NWD1: variants seen among roughly 807,000 people sequenced by gnomAD.
The protein encoded by NWD1 is NACHT domain- and WD repeat-containing protein 1.
A neutral mutation model predicts 135.1 loss-of-function variants in NWD1; 129 were observed. The ratio of observed to expected loss-of-function variants is 0.96; its 90% CI spans 0.83 to 1.11. The LOEUF is 1.11. Among genes scored for constraint, NWD1 ranks in the 50% least tolerant of loss-of-function variants. The pLI, the probability that NWD1 is intolerant of heterozygous loss-of-function variation, is 0.00. For missense variants in NWD1, 1,740 were observed against 1,851.3 expected, an observed-to-expected ratio of 0.94 and a Z score of 1.10; for synonymous variants, 773 against 786.0, an observed-to-expected ratio of 0.98 and a Z score of 0.28.
intron 11 of NWD1, among the ~76,000 whole-genome samples, chr19:16,778,512 G>T (rs866548352): frequency 0.028 from 2,924 of 103,302 alleles, 60 homozygotes; most frequent in African/African-American, 0.1. Context: ...TTTTTTTGTT[G>T]TTGTTGTTGT....
intron 18 of NWD1, chr19:16,812,741 A>G (rs1172169621): frequency 3.8e-6 from 3 of 780,974 alleles, no homozygotes; most frequent in African/African-American, 1.7e-5. Flanking sequence ...TCTGTTTTCA[A>G]CAGAGTTCTT....
chr19:16,759,147 T>G, intron 6 of NWD1, 78 bp from the exon 7 acceptor site: 4 of 1,232,436 alleles, frequency 3.2e-6, no homozygotes, highest in Non-Finnish European at 4.8e-6. Flanking sequence ...GCTGTATCCC[T>G]CCCTCTCTTG....
intron 11 of NWD1, among the ~76,000 whole-genome samples, chr19:16,775,171 A>G (rs1376668322): frequency 4.6e-5 from 7 of 152,106 alleles, no homozygotes; most frequent in African/African-American, 1.4e-4. Flanking sequence ...ATGCTAAGAG[A>G]CACTAAGTAC....
At chr19:16,767,982 C>CTTTTTTT (rs963453075) in intron 10 of NWD1, among the ~76,000 whole-genome samples, 9 of 83,596 alleles carry the variant, frequency 1.1e-4, no homozygotes, top group Admixed American at 1.6e-4. Context: ...AATTTCCTTC[C>CTTTTTTT]TTTTTTTTTT....
At chr19:16,747,816 C>G (rs1214526405) in intron 5 of NWD1, among the ~76,000 whole-genome samples, 1 of 152,184 alleles carries the variant, frequency 6.6e-6, no homozygotes, top group East Asian at 1.9e-4. Context: ...GAATCTCACA[C>G]TACATGGCCT....
At chr19:16,765,804 G>A (rs1187452527) in intron 10 of NWD1, among the ~76,000 whole-genome samples, 1 of 152,022 alleles carries the variant, frequency 6.6e-6, no homozygotes, top group Non-Finnish European at 1.5e-5. Flanking sequence ...AGATCACAAG[G>A]TCAGAAGTTT....
At chr19:16,744,284 G>A (rs1275634073) in intron 4 of NWD1, 137 bp from the exon 5 acceptor site, 1 of 668,550 alleles carries the variant, frequency 1.5e-6, no homozygotes, top group Middle Eastern at 2.9e-4. Flanking sequence ...GGTCCAAGTG[G>A]GAGGATCACT....
rs1971058259 is a variant in NWD1 at position 16,815,976 on chromosome 19, A to G, written c.*937A>G. Reference sequence around the variant, plus strand: ...TAGTTATAATTTGATTCAGGTCACAAGTCCAAGGTGCAAGAGCTCTGAGAG... The same window carrying G: ...TAGTTATAATTTGATTCAGGTCACAGGTCCAAGGTGCAAGAGCTCTGAGAG... On this transcript the variant is annotated 3_prime_UTR_variant, in exon 19 of 19. Transcript: ENST00000524140. 1 of 152,340 alleles carries G rather than the reference A, an allele frequency of 6.6e-6. No individual in the cohort carries two copies. Among genetic ancestry groups the G allele is most frequent in the African/African-American group, 2.4e-5 (1 of 41,456 alleles). 9.4% of individuals were successfully genotyped at this position (152,340 alleles called of 1,614,324 possible).
At chr19:16,761,917 A>G (rs2122884215) in intron 7 of NWD1, 62 bp from the exon 8 acceptor site, 1 of 1,446,742 alleles carries the variant, frequency 6.9e-7, no homozygotes, top group Non-Finnish European at 9.5e-7. Flanking sequence ...CAGGAAGACA[A>G]GCAGCCACCT....
At chr19:16,797,281 G>A (rs557085290) in intron 15 of NWD1, among the ~76,000 whole-genome samples, 8 of 150,614 alleles carry the variant, frequency 5.3e-5, no homozygotes, top group East Asian at 3.9e-4. Flanking sequence ...CACCTTCCCC[G>A]TCCTGGATCC....
At position 16,762,101 on chromosome 19, in the gene NWD1, T is replaced by C. The variant is rs1969038271; in HGVS notation, c.2096T>C (p.Leu699Pro). The C allele has an allele frequency of 5.6e-6, 9 of 1,614,004 alleles. No homozygotes were observed. Among genetic ancestry groups the C allele is most frequent in the South Asian group, 1.1e-5 (1 of 91,078 alleles). Residue 699 changes from leucine to proline, a missense_variant, in exon 8 of 19, where the codon CTG becomes CCG. Physicochemically the swap from Leu to Pro is moderately conservative, Grantham distance 98 (BLOSUM62 -3). Coordinates refer to ENST00000524140, the MANE Select transcript of NWD1 (RefSeq NM_001007525.5). ...CAGGGTACCAAGAAGCTCATCACTC[T>C]GCCACTTGTGGGGAAACCACTGAAC... The part of the protein sequence containing the change: ...WSQGTKKLIT[L>P]PLVGKPLNLD...
In NWD1 at chr19:16,746,375, G is replaced by C. The variant is rs954311080; in HGVS notation, c.496+1657G>C. On this transcript the variant is annotated intron_variant, in intron 5 of 18. Transcript: ENST00000524140. ...ACCCCGTATCAAACAAACAAACAAA[G>C]AAACAACATAAACAGTTGGCCGGGT... Among the ~76,000 whole-genome samples, 15 of 145,380 alleles carry C rather than the reference G, an allele frequency of 1.0e-4. No homozygotes were observed. In the East Asian group the frequency reaches 2.7e-3, roughly 27 times the overall value.
chr19:16,765,101 C>T lies in NWD1; in HGVS notation c.2319C>T (p.Asp773=). Residue 773 remains aspartate, a synonymous_variant, in exon 10 of 19, where the codon GAC becomes GAT. Transcript: ENST00000524140. ...GGIEDLLDDF[D]LCAPHLDSPE... ...TTGAAGACCTGCTGGATGACTTTGA[C>T]CTGTGTGCCCCTCACCTGGACTCCC... 1.2e-6 allele frequency: 2 copies of T among 1,614,148 alleles called. No individual in the cohort carries two copies. Among genetic ancestry groups the T allele is most frequent in the African/African-American group, 1.3e-5 (1 of 75,040 alleles).
intron 10 of NWD1, among the ~76,000 whole-genome samples, chr19:16,765,546 C>T (rs1015855965): frequency 4.6e-5 from 7 of 152,084 alleles, no homozygotes; most frequent in Non-Finnish European, 1.0e-4. Context: ...GTTGCCCAGG[C>T]TAGTCTCAAA....
intron 11 of NWD1, among the ~76,000 whole-genome samples, chr19:16,776,651 G>T (rs1969610791): frequency 6.6e-6 from 1 of 150,624 alleles, no homozygotes. Context: ...AAAAGGGGCT[G>T]AGCACAGTGA....
intron 18 of NWD1, among the ~76,000 whole-genome samples, chr19:16,810,170 G>A (rs373873680): frequency 1.1e-4 from 17 of 152,132 alleles, no homozygotes; most frequent in African/African-American, 4.1e-4. Flanking sequence ...GGGCACCATG[G>A]CTCACACCTG....
intron 3 of NWD1, 39 bp downstream of exon 3, chr19:16,731,317 T>A: frequency 9.4e-6 from 12 of 1,281,426 alleles, no homozygotes; most frequent in Non-Finnish European, 1.3e-5. Flanking sequence ...CTTTTTTTAT[T>A]TTTTTTTGAC....
chr19:16,749,965 C>A lies in NWD1; in HGVS notation c.1323C>A (p.Asp441Glu). Residue 441 changes from aspartate (D) to glutamate (E), a missense_variant, in exon 6 of 19, where the codon GAC becomes GAA. Transcript: ENST00000524140. ...SLVLLLDAMDDLDSVRHARRV... is the reference protein window; with the variant it reads ...SLVLLLDAMDELDSVRHARRV... Reference sequence around the variant, plus strand: ...TGCTCCTGCTGGATGCTATGGATGACCTGGACTCTGTCCGCCATGCTCGGA... The same window carrying A: ...TGCTCCTGCTGGATGCTATGGATGAACTGGACTCTGTCCGCCATGCTCGGA... The A allele has an allele frequency of 1.2e-6, 2 of 1,613,846 alleles. No homozygotes were observed. Among genetic ancestry groups the A allele is most frequent in the Non-Finnish European group, 1.7e-6 (2 of 1,180,022 alleles).
chr19:16,795,372 C>T lies in NWD1; in HGVS notation c.3304+819C>T, dbSNP rs940863328. Among the ~76,000 whole-genome samples, 7 of 152,020 alleles carry T rather than the reference C, an allele frequency of 4.6e-5. No individual in the cohort carries two copies. The South Asian group carries it at 8.3e-4, about 18-fold the overall frequency. On this transcript the variant is annotated intron_variant, in intron 15 of 18. Transcript: ENST00000524140. ...CCCCAAAGGAAACACAAGGGGTCCA[C>T]GACCCTGAAGCCCCAGAGGGGGTGT...
Sources: gnomAD v4.1 joint callset for allele counts (sites outside exome capture counted in the v4.1 genomes callset) on GRCh38, gnomAD v4.1.1 for gene constraint, MANE v1.5 for transcripts, NCBI Gene and HGNC (gene_info 2026-07-23, HGNC 2026-07-21) for gene names.